VPS50: variants seen among roughly 807,000 people sequenced by gnomAD.
VPS50 encodes VPS50 subunit of EARP/GARPII complex.
VPS50 carries 70 observed loss-of-function variants against 139.7 expected under a neutral mutation model. The ratio of observed to expected loss-of-function variants is 0.50; its 90% CI spans 0.41 to 0.61. VPS50 has a LOEUF of 0.61. Among genes scored for constraint, VPS50 ranks in the 20% least tolerant of loss-of-function variants. VPS50 has a pLI of 0.00. For synonymous variants in VPS50, 365 were observed against 376.7 expected, an observed-to-expected ratio of 0.97 and a Z score of 0.36; for missense variants, 921 against 1,133.7, an observed-to-expected ratio of 0.81 and a Z score of 2.69.
intron 9 of VPS50, among the ~76,000 whole-genome samples, chr7:93,265,647 C>G (rs1419096229): frequency 2.6e-5 from 4 of 152,272 alleles, no homozygotes; most frequent in Middle Eastern, 6.8e-3. Flanking sequence ...TCACTGCAAC[C>G]TCTGCCTCCC....
intron 22 of VPS50, among the ~76,000 whole-genome samples, chr7:93,337,120 G>A (rs149205882): frequency 9.2e-5 from 14 of 152,206 alleles, no homozygotes; most frequent in African/African-American, 2.6e-4. Flanking sequence ...CTCTTCAAGC[G>A]TATTTTCCTA....
chr7:93,271,387 G>T, intron 10 of VPS50, 125 bp downstream of exon 10: 3 of 1,305,874 alleles, frequency 2.3e-6, no homozygotes, highest in African/African-American at 3.0e-5. Context: ...TGTATTTCTT[G>T]ATTTTCATTT....
At chr7:93,310,688 C>T (rs1489623639) in intron 19 of VPS50, among the ~76,000 whole-genome samples, 1 of 151,986 alleles carries the variant, frequency 6.6e-6, no homozygotes, top group Non-Finnish European at 1.5e-5. Flanking sequence ...ACTCTGTTCT[C>T]TCTTATCTCT....
At position 93,294,560 on chromosome 7, in the gene VPS50, T is replaced by C. The variant is rs1339555414; in HGVS notation, c.1091T>C (p.Ile364Thr). ...TASASEGSNM[I>T]GTEETNFDRG... ...TTATTTTCAGAAGGGAGTAATATGA[T>C]AGGTACTGAAGAAACTAATTTTGAT... is the stretch of plus-strand genomic sequence containing the variant. The change falls in exon 14 of 28, where the codon ATA (isoleucine) becomes ACA (threonine). Residue 364 changes from isoleucine to threonine, a missense_variant. By Grantham distance (89) the Ile-to-Thr change is moderately conservative (BLOSUM62 -1). Transcript: ENST00000305866. The C allele has an allele frequency of 6.4e-7, 1 of 1,568,756 alleles. No individual in the cohort carries two copies. The highest frequency in any genetic ancestry group is 1.2e-5 in the South Asian group (1 of 81,462).
At chr7:93,357,093 T>C (rs1240520124) in intron 27 of VPS50, among the ~76,000 whole-genome samples, 2 of 152,170 alleles carry the variant, frequency 1.3e-5, no homozygotes, top group Admixed American at 1.3e-4. Flanking sequence ...TGACATTTGA[T>C]AACCAAAATG....
intron 21 of VPS50, among the ~76,000 whole-genome samples, chr7:93,324,350 A>T (rs1405019033): frequency 6.6e-6 from 1 of 152,188 alleles, no homozygotes; most frequent in African/African-American, 2.4e-5. Flanking sequence ...GAGAGAGGGC[A>T]TCCCTATCTT....
At chr7:93,332,922 A>C (rs529287218) in intron 21 of VPS50, among the ~76,000 whole-genome samples, 7 of 146,738 alleles carry the variant, frequency 4.8e-5, no homozygotes, top group South Asian at 4.3e-4. Flanking sequence ...AAAGGCAAAA[A>C]CTACAGTGAG....
At chr7:93,309,611 C>T (rs571816034) in intron 19 of VPS50, among the ~76,000 whole-genome samples, 40 of 151,922 alleles carry the variant, frequency 2.6e-4, no homozygotes, top group African/African-American at 8.4e-4. Context: ...CACAGAAAGT[C>T]GCCACTTATT....
At chr7:93,335,580 TTTTTC>T (rs1274565982) in intron 22 of VPS50, among the ~76,000 whole-genome samples, 3 of 152,140 alleles carry the variant, frequency 2.0e-5, no homozygotes, top group Non-Finnish European at 4.4e-5. Flanking sequence ...TTGTTTCTCT[TTTTTC>T]TTTTCTTTTT....
rs935192996 is a variant in VPS50 at position 93,269,555 on chromosome 7, G to A, written c.660-1665G>A. Among the ~76,000 whole-genome samples, 6 of 152,064 alleles carry A rather than the reference G, an allele frequency of 3.9e-5. No homozygotes were observed. The South Asian group carries it at 8.3e-4, about 21-fold the overall frequency. ...GATGTTTGGACATTTATCATTGAGA[G>A]CATCAAAAACTGTGTGCTTGTATTA... On this transcript the variant is annotated intron_variant, in intron 9 of 27. Coordinates refer to ENST00000305866, the MANE Select transcript of VPS50 (RefSeq NM_017667.4).
intron 9 of VPS50, among the ~76,000 whole-genome samples, chr7:93,265,405 A>G (rs1795811273): frequency 6.6e-6 from 1 of 152,204 alleles, no homozygotes; most frequent in Non-Finnish European, 1.5e-5. Context: ...GGTTGTGGCT[A>G]TGTTCTACTA....
chr7:93,357,290 T>C (rs185558440), intron 27 of VPS50, among the ~76,000 whole-genome samples: 1 of 152,302 alleles, frequency 6.6e-6, no homozygotes, highest in East Asian at 1.9e-4. Flanking sequence ...TCTTTTAATA[T>C]AGTAGACTGA....
At chr7:93,249,906 G>A (rs1483307985) in intron 2 of VPS50, among the ~76,000 whole-genome samples, 1 of 152,140 alleles carries the variant, frequency 6.6e-6, no homozygotes. Context: ...ACACGTGTGA[G>A]TTTTAACCAA....
rs73219909 is a variant in VPS50, at chr7:93,308,804, A to G, written c.1630-20A>G. ...AGAGGCCCTTTATACTCATTTTTTA[A>G]TAACCTGTGTTTTCTTCAGTATGAA... On this transcript the variant is annotated intron_variant, in intron 18 of 27. Coordinates refer to ENST00000305866, the MANE Select transcript of VPS50 (RefSeq NM_017667.4). 71,360 of 1,380,782 alleles carry G rather than the reference A, an allele frequency of 0.052. 2,136 individuals are homozygous for G. Among genetic ancestry groups the G allele is most frequent in the Non-Finnish European group, 0.059 (57,539 of 972,532 alleles). 85.5% of individuals were successfully genotyped at this position (1,380,782 alleles called of 1,614,324 possible).
At chr7:93,318,432 G>A (rs1458902773) in intron 20 of VPS50, among the ~76,000 whole-genome samples, 2 of 151,934 alleles carry the variant, frequency 1.3e-5, no homozygotes, top group Admixed American at 6.6e-5. Context: ...TTTCCTTTAC[G>A]CCTCTTTTAT....
chr7:93,297,601 C>T (rs1355621819), intron 16 of VPS50, among the ~76,000 whole-genome samples: 2 of 152,052 alleles, frequency 1.3e-5, no homozygotes, highest in Admixed American at 6.6e-5. Flanking sequence ...AGAGGCAGTG[C>T]TCAGTGAGGG....
intron 14 of VPS50, among the ~76,000 whole-genome samples, chr7:93,295,833 T>A (rs985682853): frequency 3.0e-4 from 45 of 152,260 alleles, no homozygotes; most frequent in African/African-American, 1.1e-3. Flanking sequence ...CAGGTGATCC[T>A]TCTGCCTCAG....
chr7:93,273,754 T>A (rs983553691), intron 11 of VPS50, among the ~76,000 whole-genome samples: 1 of 152,104 alleles, frequency 6.6e-6, no homozygotes, highest in African/African-American at 2.4e-5. Flanking sequence ...CACTTCACTT[T>A]ATTGTGCTTT....
chr7:93,335,459 G>A (rs189481004), intron 22 of VPS50, among the ~76,000 whole-genome samples: 8 of 152,256 alleles, frequency 5.3e-5, no homozygotes, highest in Admixed American at 2.6e-4. Flanking sequence ...TACCCCAGTC[G>A]CTGAGTTTCT....
Sources: gnomAD v4.1 joint callset for allele counts (sites outside exome capture counted in the v4.1 genomes callset) on GRCh38, gnomAD v4.1.1 for gene constraint, MANE v1.5 for transcripts, NCBI Gene and HGNC (gene_info 2026-07-23, HGNC 2026-07-21) for gene names.